KCNT2: variants seen among roughly 807,000 people sequenced by gnomAD.
KCNT2 encodes potassium channel subfamily T member 2.
In KCNT2, 67 loss-of-function variants were observed where a neutral mutation model predicts 153.8. That is an observed-to-expected ratio of 0.44 (90% CI 0.36 to 0.53). KCNT2 has a LOEUF of 0.53. Ranked by LOEUF, KCNT2 falls within the 20% of genes least tolerant of loss-of-function variation. The pLI, the probability that KCNT2 is intolerant of heterozygous loss-of-function variation, is 0.00. For synonymous variants in KCNT2, 500 were observed against 458.8 expected (o/e 1.09, Z -1.15); for missense variants, 975 against 1,354.8 (o/e 0.72, Z 4.40).
chr1:196,399,924 C>A (rs766573310), intron 12 of KCNT2, among the ~76,000 whole-genome samples: 5 of 151,786 alleles, frequency 3.3e-5, no homozygotes, highest in African/African-American at 1.2e-4. Flanking sequence ...TCAGCTGGCT[C>A]CTTGATTTTG....
At chr1:196,439,006 T>A (rs1000393308) in intron 8 of KCNT2, among the ~76,000 whole-genome samples, 1 of 151,862 alleles carries the variant, frequency 6.6e-6, no homozygotes, top group Non-Finnish European at 1.5e-5. Context: ...GTATACCTAT[T>A]TTTTTAAAGT....
At chr1:196,461,719 G>C (rs1292474150) in intron 8 of KCNT2, among the ~76,000 whole-genome samples, 1 of 151,494 alleles carries the variant, frequency 6.6e-6, no homozygotes, top group East Asian at 1.9e-4. Flanking sequence ...GATGAAGAGG[G>C]GTACACTGCC....
At chr1:196,558,920 T>C (rs968810382) in intron 1 of KCNT2, among the ~76,000 whole-genome samples, 3 of 151,554 alleles carry the variant, frequency 2.0e-5, no homozygotes. Context: ...TGTAATATCT[T>C]TGTAAACAAG....
chr1:196,296,078 G>T (rs905430035), intron 22 of KCNT2, among the ~76,000 whole-genome samples: 3 of 151,830 alleles, frequency 2.0e-5, no homozygotes, highest in Non-Finnish European at 4.4e-5. Context: ...ATGATGAATT[G>T]CATTCAATAA....
intron 14 of KCNT2, among the ~76,000 whole-genome samples, chr1:196,363,362 T>G (rs1572175323): frequency 6.6e-6 from 1 of 152,090 alleles, no homozygotes; most frequent in African/African-American, 2.4e-5. Context: ...ATCTTGTATT[T>G]TCCCTGCCCC....
At chr1:196,568,646 G>A (rs1488378648) in intron 1 of KCNT2, among the ~76,000 whole-genome samples, 1 of 151,694 alleles carries the variant, frequency 6.6e-6, no homozygotes, top group Non-Finnish European at 1.5e-5. Flanking sequence ...TCTGACAGGA[G>A]GCGGAGCTCA....
intron 1 of KCNT2, among the ~76,000 whole-genome samples, chr1:196,575,044 T>A (rs1209171513): frequency 6.6e-6 from 1 of 152,080 alleles, no homozygotes; most frequent in African/African-American, 2.4e-5. Context: ...TTCAAAATTA[T>A]AAAAGTATAA....
chr1:196,541,542 C>T (rs1656370317), intron 1 of KCNT2, among the ~76,000 whole-genome samples: 2 of 152,068 alleles, frequency 1.3e-5, no homozygotes, highest in Admixed American at 6.6e-5. Flanking sequence ...TGCATATTGT[C>T]AGAGAATGCT....
chr1:196,429,311 C>A (rs1673930490), intron 9 of KCNT2, among the ~76,000 whole-genome samples: 1 of 151,594 alleles, frequency 6.6e-6, no homozygotes, highest in East Asian at 1.9e-4. Flanking sequence ...TAATTAAGTA[C>A]CCTATACTAA....
chr1:196,587,752 A>G (rs1662864889), intron 1 of KCNT2, among the ~76,000 whole-genome samples: 1 of 152,060 alleles, frequency 6.6e-6, no homozygotes, highest in Admixed American at 6.6e-5. Context: ...AGAGTATGTA[A>G]CCCAAACTCT....
At chr1:196,555,930 G>A (rs2148909229) in intron 1 of KCNT2, among the ~76,000 whole-genome samples, 1 of 151,434 alleles carries the variant, frequency 6.6e-6, no homozygotes, top group Non-Finnish European at 1.5e-5. Context: ...AAATAGTGCT[G>A]GGAAAACTGG....
intron 1 of KCNT2, among the ~76,000 whole-genome samples, chr1:196,562,771 T>G (rs1659591778): frequency 6.6e-6 from 1 of 151,888 alleles, no homozygotes; most frequent in African/African-American, 2.4e-5. Flanking sequence ...TCAATGTCTT[T>G]AACAATCAAT....
chr1:196,274,613 A>C (rs1390920218), intron 25 of KCNT2, among the ~76,000 whole-genome samples: 1 of 151,796 alleles, frequency 6.6e-6, no homozygotes, highest in East Asian at 1.9e-4. Flanking sequence ...TGTAATAGTA[A>C]AGTGTTAATG....
intron 12 of KCNT2, among the ~76,000 whole-genome samples, chr1:196,416,798 T>C (rs963677820): frequency 1.3e-5 from 2 of 152,148 alleles, no homozygotes; most frequent in Admixed American, 6.6e-5. Context: ...CTCTTAGTTA[T>C]TTTTAAATGT....
At chr1:196,428,046 C>A in intron 10 of KCNT2, 59 bp downstream of exon 10, 1 of 1,348,508 alleles carries the variant, frequency 7.4e-7, no homozygotes, top group South Asian at 1.3e-5. Context: ...AGTTAATTGA[C>A]TTTGACAATA....
At chr1:196,557,562 G>A (rs76170483) in intron 1 of KCNT2, among the ~76,000 whole-genome samples, 1,944 of 149,306 alleles carry the variant, frequency 0.013, 64 homozygotes, top group East Asian at 0.12. Context: ...ACAAGATCTC[G>A]TGTAGAAAAA....
chr1:196,438,590 A>C lies in KCNT2; in HGVS notation c.639-8833T>G, dbSNP rs375280768. Among the ~76,000 whole-genome samples, 20 of 152,066 alleles carry C rather than the reference A, an allele frequency of 1.3e-4. No individual in the cohort carries two copies. In the East Asian group the frequency reaches 2.1e-3, roughly 16 times the overall value. ...GTTGACCTTTGGAGGGTTGACTGCC[A>C]TCATTTACAGAAACTGACAACGAAT... On this transcript the variant is annotated intron_variant, in intron 8 of 27. Coordinates refer to ENST00000294725, the MANE Select transcript of KCNT2 (RefSeq NM_198503.5).
intron 12 of KCNT2, among the ~76,000 whole-genome samples, chr1:196,407,937 CA>C (rs770448135): frequency 1.1e-4 from 16 of 151,198 alleles, no homozygotes; most frequent in Non-Finnish European, 2.4e-4. Flanking sequence ...TGTGAATAAA[CA>C]TTAGACAGGT....
intron 5 of KCNT2, among the ~76,000 whole-genome samples, chr1:196,471,583 G>A (rs1178601531): frequency 1.3e-5 from 2 of 151,946 alleles, no homozygotes; most frequent in Non-Finnish European, 2.9e-5. Flanking sequence ...AGATTGATCT[G>A]AGTAGCAAGA....
Sources: allele counts gnomAD v4.1 joint callset (sites outside exome capture counted in the v4.1 genomes callset), GRCh38; gene constraint gnomAD v4.1.1; transcripts MANE v1.5; gene names NCBI Gene and HGNC (gene_info 2026-07-23, HGNC 2026-07-21).